The following SCRIB variants were observed in gnomAD, a reference collection of about 807,000 sequenced individuals.
The protein encoded by SCRIB is scribble planar cell polarity protein, also known as protein scribble homolog.
A neutral mutation model predicts 170.0 loss-of-function variants in SCRIB; 72 were observed. The observed-to-expected ratio is 0.42, with a 90% CI of 0.35 to 0.52. SCRIB has a LOEUF of 0.52. SCRIB is among the 20% of genes least tolerant of loss of function. The pLI is 0.02. For missense variants in SCRIB, 2,475 were observed against 2,338.5 expected, an observed-to-expected ratio of 1.06 and a Z score of -1.20; for synonymous variants, 1,298 against 1,044.3, an observed-to-expected ratio of 1.24 and a Z score of -4.68.
In SCRIB at chr8:143,809,387, C is replaced by T. The variant is rs566872525; in HGVS notation, c.1698+164G>A. Among the ~76,000 whole-genome samples the T allele has an allele frequency of 1.2e-3, 190 of 152,220 alleles. 1 individual carries two copies. The highest frequency in any genetic ancestry group is 9.9e-3 in the South Asian group (48 of 4,826). ...GCTCTCCAGGGCACCCCCAGCAGCA[C>T]GGCCCTGCACCACCCGTAGCCACTC... On this transcript the variant is annotated intron_variant, in intron 14 of 36. Coordinates refer to ENST00000356994, the MANE Select transcript of SCRIB (RefSeq NM_182706.5).
Position 143,792,732 on chromosome 8 carries a change from G to C in SCRIB, c.4153C>G (p.Leu1385Val). Residue 1385 changes from leucine (L) to valine (V), a missense_variant, in exon 30 of 37, where the codon CTG becomes GTG. Coordinates refer to ENST00000356994, the MANE Select transcript of SCRIB (RefSeq NM_182706.5). ...KRVSLVGADDLRKMQEEEARK... is the reference protein window; with the variant it reads ...KRVSLVGADDVRKMQEEEARK... ...CCTTCCTCCTCCTGCATCTTCCGCA[G>C]GTCGTCAGCACCCACCAGGGACACG... The C allele has an allele frequency of 6.3e-7, 1 of 1,590,580 alleles. No individual in the cohort carries two copies. The highest frequency in any genetic ancestry group is 8.5e-7 in the Non-Finnish European group (1 of 1,173,078).
In SCRIB at chr8:143,795,257, G is replaced by C. The variant is rs921340834; in HGVS notation, c.3771+20C>G. ...CCGCTCCAGTGCCCTGATGTGAGGG[G>C]GTGGGGCGACCACACTCACTGCGGC... On this transcript the variant is annotated intron_variant, in intron 26 of 36. Transcript: ENST00000356994. 3 of 1,612,234 alleles carry C rather than the reference G, an allele frequency of 1.9e-6. No homozygotes were observed. The highest frequency in any genetic ancestry group is 1.7e-6 in the Non-Finnish European group (2 of 1,179,808).
chr8:143,810,479 C>T lies in SCRIB; in HGVS notation c.1530G>A (p.Glu510=). 6.2e-7 allele frequency: 1 copy of T among 1,607,252 alleles called. No homozygotes were observed. Among genetic ancestry groups the T allele is most frequent in the Non-Finnish European group, 8.5e-7 (1 of 1,179,630 alleles). ...CAGGTTGCCGTGGCTCCATGCCCAC[C>T]TCCTCTGCAGGCAAGGGCGACCCAG... ...PDSGSPLPAE[E]EKRLSAESGL... Residue 510 remains glutamate, a splice_region_variant and synonymous_variant, in exon 13 of 37, where the codon GAG becomes GAA. Transcript: ENST00000356994.
intron 1 of SCRIB, among the ~76,000 whole-genome samples, 169 bp from the exon 2 acceptor site, chr8:143,814,287 A>C (rs551419713): frequency 6.6e-6 from 1 of 152,170 alleles, no homozygotes; most frequent in Non-Finnish European, 1.5e-5. Context: ...AAAAGGAAAG[A>C]AACACACGGT....
chr8:143,811,483 A>G lies in SCRIB; in HGVS notation c.907-138T>C, dbSNP rs186481241. 1.8e-4 allele frequency: 133 copies of G among 723,580 alleles called. No individual in the cohort carries two copies. The East Asian group carries it at 3.4e-3, about 19-fold the overall frequency. 44.8% of individuals were successfully genotyped at this position (723,580 alleles called of 1,614,324 possible). ...CTCACAGCCCCTGGAGACCGGGACA[A>G]GGACCTGACCACAGAAGCTGTCTCC... On this transcript the variant is annotated intron_variant, in intron 9 of 36. Coordinates refer to ENST00000356994, the MANE Select transcript of SCRIB (RefSeq NM_182706.5).
intron 24 of SCRIB, among the ~76,000 whole-genome samples, chr8:143,803,181 G>C (rs529896151): frequency 1.3e-5 from 2 of 152,144 alleles, no homozygotes; most frequent in African/African-American, 2.4e-5. Flanking sequence ...TGGACAGCTC[G>C]ATGAGCCGGA....
intron 14 of SCRIB, 138 bp downstream of exon 14, chr8:143,809,413 T>A: frequency 1.0e-6 from 1 of 993,924 alleles, no homozygotes. Context: ...GTAGCCACTC[T>A]GTACAGGGCA....
intron 9 of SCRIB, 72 bp downstream of exon 9, chr8:143,812,194 C>T (rs776284964): frequency 4.0e-6 from 4 of 1,005,186 alleles, no homozygotes; most frequent in Non-Finnish European, 6.4e-6. Flanking sequence ...GCAGCAGACA[C>T]AGGCTGATGC....
At position 143,815,465 on chromosome 8, in the gene SCRIB, G is replaced by A; in HGVS notation, c.-93C>T. ...AGTCCGCATGGGCGCCGCGCATGGG[G>A]AGGGGGCGCAGGCAGGGGGCGGGCC... On this transcript the variant is annotated 5_prime_UTR_variant, in exon 1 of 37. Transcript: ENST00000356994. 9.2e-7 allele frequency: 1 copy of A among 1,084,808 alleles called. No homozygotes were observed. Among genetic ancestry groups the A allele is most frequent in the Non-Finnish European group, 1.1e-6 (1 of 894,284 alleles). The allele number at this position is 1,084,808 out of a possible 1,614,324, so 67.2% of individuals were successfully genotyped here. A position where few individuals can be genotyped will look rare whatever the true frequency, so the allele number is the denominator to read the frequency against.
At position 143,808,971 on chromosome 8, in the gene SCRIB, C is replaced by T. The variant is rs767773470; in HGVS notation, c.1753G>A (p.Glu585Lys). The T allele has an allele frequency of 7.4e-6, 12 of 1,613,276 alleles. No individual in the cohort carries two copies. Among genetic ancestry groups the T allele is most frequent in the South Asian group, 1.1e-5 (1 of 91,082 alleles). Reference sequence around the variant, plus strand: ...CAGGGGGCCTCAGGCTGCCCCTCCTCGATCTCCCTGTCATCCCCGGGCAGC... The same window carrying T: ...CAGGGGGCCTCAGGCTGCCCCTCCTTGATCTCCCTGTCATCCCCGGGCAGC... ...ALLPGDDREI[E>K]EGQPEAPWTL... The change falls in exon 15 of 37, where the codon GAG (glutamate) becomes AAG (lysine). Residue 585 changes from glutamate to lysine, a missense_variant. Transcript: ENST00000356994.
rs369268824 is a variant in SCRIB at position 143,795,004 on chromosome 8, C to T, written c.3846+34G>A. On this transcript the variant is annotated intron_variant, in intron 27 of 36. Transcript: ENST00000356994. ...GTGGCCGATGAACAGGACAACAGGA[C>T]GGAGGTGGGGGGCACTGCACACTGG... 270 of 1,593,710 alleles carry T rather than the reference C, an allele frequency of 1.7e-4. No individual in the cohort carries two copies. The African/African-American group carries it at 2.9e-3, about 17-fold the overall frequency.
rs782562035 is a variant in SCRIB, at chr8:143,806,452, G to A, written c.2301C>T (p.Gly767=). 7 of 1,605,316 alleles carry A rather than the reference G, an allele frequency of 4.4e-6. No homozygotes were observed. Among genetic ancestry groups the A allele is most frequent in the Admixed American group, 3.4e-5 (2 of 59,260 alleles). Residue 767 remains glycine (G), a synonymous_variant, in exon 18 of 37, where the codon GGC becomes GGT. Coordinates refer to ENST00000356994, the MANE Select transcript of SCRIB (RefSeq NM_182706.5). Reference sequence around the variant, plus strand: ...CACGGACTCCAGCCCGGGCCGCAGGGCCTTCCTCGGACACCCGAGAGATGA... The same window carrying A: ...CACGGACTCCAGCCCGGGCCGCAGGACCTTCCTCGGACACCCGAGAGATGA... ...GIFISRVSEE[G]PAARAGVRVG...
intron 13 of SCRIB, 28 bp from the exon 14 acceptor site, chr8:143,809,746 G>A (rs374953175): frequency 1.9e-5 from 30 of 1,596,638 alleles, no homozygotes; most frequent in South Asian, 3.3e-5. Flanking sequence ...GTCAGGCTTC[G>A]ACGGAGCTCC....
intron 22 of SCRIB, 48 bp downstream of exon 22, chr8:143,803,998 C>A: frequency 6.3e-7 from 1 of 1,576,114 alleles, no homozygotes; most frequent in African/African-American, 1.3e-5. Context: ...GCGCTGGTAC[C>A]TGGGATGGGT....
At position 143,813,108 on chromosome 8, in the gene SCRIB, C is replaced by T. The variant is rs369488311; in HGVS notation, c.568-4G>A. 3.8e-6 allele frequency: 6 copies of T among 1,572,252 alleles called. No individual in the cohort carries two copies. The highest frequency in any genetic ancestry group is 1.9e-5 in the Admixed American group (1 of 53,310). ...GCAGAGCCCCCAGAGTGTCTGGCTGCAAGAAGGAACAGAGAAAATAGTGAC... is the reference window on the plus strand; with the variant it reads ...GCAGAGCCCCCAGAGTGTCTGGCTGTAAGAAGGAACAGAGAAAATAGTGAC... On this transcript the variant is annotated splice_polypyrimidine_tract_variant and splice_region_variant and intron_variant, in intron 6 of 36. Transcript: ENST00000356994.
chr8:143,798,313 G>A (rs982615221), intron 24 of SCRIB, among the ~76,000 whole-genome samples: 2 of 152,054 alleles, frequency 1.3e-5, no homozygotes, highest in African/African-American at 4.8e-5. Flanking sequence ...AAATGAGTCA[G>A]CCCAACTGTG....
chr8:143,810,057 G>A (rs1815635347), intron 13 of SCRIB, among the ~76,000 whole-genome samples: 1 of 152,010 alleles, frequency 6.6e-6, no homozygotes, highest in Non-Finnish European at 1.5e-5. Context: ...CCCCAGCCCA[G>A]ATCACTGGTT....
Position 143,813,473 on chromosome 8 carries a change from G to A in SCRIB, c.500C>T (p.Pro167Leu). The change falls in exon 5 of 37, where the codon CCA (proline) becomes CTA (leucine). Residue 167 changes from proline (P) to leucine (L), a missense_variant. Physicochemically the swap from Pro to Leu is moderately conservative, Grantham distance 98. Coordinates refer to ENST00000356994, the MANE Select transcript of SCRIB (RefSeq NM_182706.5). ...GGAGAATGCCTGTCACACTCACGCT[G>A]GCAGGGACTTGAGCAGGTTCTCCCG... ...ELRENLLKSL[P>L]ASLSFLVKLE... 1 of 1,613,252 alleles carries A rather than the reference G, an allele frequency of 6.2e-7. No individual in the cohort carries two copies. Among genetic ancestry groups the A allele is most frequent in the Non-Finnish European group, 8.5e-7 (1 of 1,180,000 alleles).
intron 18 of SCRIB, 111 bp downstream of exon 18, chr8:143,806,296 C>A: frequency 1.2e-6 from 1 of 837,202 alleles, no homozygotes; most frequent in Non-Finnish European, 2.0e-6. Flanking sequence ...GTGTCCTGTG[C>A]TTGGAACTCT....
Sources: allele counts gnomAD v4.1 joint callset (sites outside exome capture counted in the v4.1 genomes callset), GRCh38; gene constraint gnomAD v4.1.1; transcripts MANE v1.5; gene names NCBI Gene and HGNC (gene_info 2026-07-23, HGNC 2026-07-21).